The following GALNT17 variants were observed in gnomAD, a reference collection of about 807,000 sequenced individuals.
GALNT17 encodes the protein UDP-GalNAc:polypeptide N-acetylgalactosaminyltransferase-like 3.
In GALNT17, 29 loss-of-function variants were observed where a neutral mutation model predicts 63.7. The observed-to-expected ratio is 0.46, with a 90% CI of 0.34 to 0.62. The LOEUF (loss-of-function observed/expected upper bound fraction) is 0.62, where lower values mean the gene tolerates loss of function less well. Ranked by LOEUF, GALNT17 falls within the 20% of genes least tolerant of loss-of-function variation. The pLI is 0.01. For missense variants in GALNT17, 603 were observed against 799.6 expected (o/e 0.75, Z 2.97); for synonymous variants, 305 against 318.3 (o/e 0.96, Z 0.45).
chr7:71,409,519 T>G (rs909238208), intron 3 of GALNT17, among the ~76,000 whole-genome samples: 8 of 152,148 alleles, frequency 5.3e-5, no homozygotes, highest in African/African-American at 1.9e-4. Flanking sequence ...TCAGTAAGTC[T>G]CATCATCAAG....
chr7:71,258,268 A>G (rs1482843456), intron 1 of GALNT17, among the ~76,000 whole-genome samples: 1 of 152,222 alleles, frequency 6.6e-6, no homozygotes, highest in Non-Finnish European at 1.5e-5. Context: ...TGCAAATACT[A>G]GAAGATCTGA....
Position 71,540,093 on chromosome 7 carries a change from C to CT in GALNT17, c.963-31157dup, listed in dbSNP as rs71089954. Among the ~76,000 whole-genome samples, 37 of 33,548 alleles carry CT rather than the reference C, an allele frequency of 1.1e-3. 6 individuals are homozygous for CT. Among genetic ancestry groups the CT allele is most frequent in the African/African-American group, 2.6e-3 (26 of 10,036 alleles). 22.0% of individuals were successfully genotyped at this position (33,548 alleles called of 152,430 possible). A position where few individuals can be genotyped will look rare whatever the true frequency, so the allele number is the denominator to read the frequency against. ...ACAGTTGTGAGCCACTGTGCCTGGC[C>CT]TTTTTTTTTTTTTTTTTTTTTTTTT... On this transcript the variant is annotated intron_variant, in intron 5 of 10. Coordinates refer to ENST00000333538, the MANE Select transcript of GALNT17 (RefSeq NM_022479.3).
intron 6 of GALNT17, among the ~76,000 whole-genome samples, chr7:71,625,059 C>A (rs1171895487): frequency 1.3e-5 from 2 of 152,172 alleles, no homozygotes; most frequent in East Asian, 3.9e-4. Context: ...CTCTCAGGAT[C>A]CCCACAGGCC....
At chr7:71,402,050 A>G (rs1377347395) in intron 3 of GALNT17, among the ~76,000 whole-genome samples, 1 of 152,206 alleles carries the variant, frequency 6.6e-6, no homozygotes, top group Non-Finnish European at 1.5e-5. Flanking sequence ...AACTTTAGCT[A>G]TGTGGTCTTG....
chr7:71,335,222 C>G (rs1008216494), intron 1 of GALNT17, among the ~76,000 whole-genome samples: 3 of 152,140 alleles, frequency 2.0e-5, no homozygotes, highest in Admixed American at 6.5e-5. Context: ...ACTTCTGTCT[C>G]CTGGGCTCAA....
chr7:71,648,266 G>T (rs1375201448), intron 6 of GALNT17, among the ~76,000 whole-genome samples: 2 of 151,180 alleles, frequency 1.3e-5, no homozygotes, highest in Admixed American at 1.3e-4. Context: ...GCTGTCATGA[G>T]CTACTTTTTT....
intron 5 of GALNT17, among the ~76,000 whole-genome samples, chr7:71,433,529 C>T (rs1786905846): frequency 6.6e-6 from 1 of 152,204 alleles, no homozygotes; most frequent in African/African-American, 2.4e-5. Flanking sequence ...TGAATTCTTT[C>T]TCAGAAGCTG....
At chr7:71,544,488 A>G (rs1317404340) in intron 5 of GALNT17, among the ~76,000 whole-genome samples, 2 of 152,064 alleles carry the variant, frequency 1.3e-5, no homozygotes, top group East Asian at 3.9e-4. Flanking sequence ...CTGCAATAAT[A>G]GGGGTTAGTT....
At chr7:71,273,054 G>C (rs961947716) in intron 1 of GALNT17, among the ~76,000 whole-genome samples, 7 of 151,860 alleles carry the variant, frequency 4.6e-5, no homozygotes, top group African/African-American at 1.7e-4. Context: ...GTTATTAGCA[G>C]TGAAGGTTGA....
chr7:71,180,247 T>G (rs1788712405), intron 1 of GALNT17, among the ~76,000 whole-genome samples: 1 of 152,052 alleles, frequency 6.6e-6, no homozygotes, highest in Non-Finnish European at 1.5e-5. Flanking sequence ...TGCCTCAGCC[T>G]CCGTAGTAGC....
chr7:71,388,401 G>A lies in GALNT17; in HGVS notation c.589G>A (p.Glu197Lys). Residue 197 changes from glutamate (E) to lysine (K), a missense_variant and splice_region_variant, in exon 3 of 11, where the codon GAG becomes AAG. Glu to Lys is a moderately conservative substitution (Grantham distance 56). Around this residue, in one of 3 missense-constraint regions of GALNT17, gnomAD observed 336 missense variants for 507.8 expected, o/e 0.66. Transcript: ENST00000333538. Reference sequence around the variant, plus strand: ...TCTGGTGGATGACAACAGCGACGAAGGTACAGGGGTGGCTGACCTGTGCAC... The same window carrying A: ...TCTGGTGGATGACAACAGCGACGAAAGTACAGGGGTGGCTGACCTGTGCAC... ...IILVDDNSDEEELKVPLEEYV... is the reference protein window; with the variant it reads ...IILVDDNSDEKELKVPLEEYV... 1 of 1,613,698 alleles carries A rather than the reference G, an allele frequency of 6.2e-7. No homozygotes were observed. The highest frequency in any genetic ancestry group is 8.5e-7 in the Non-Finnish European group (1 of 1,179,756).
chr7:71,284,701 C>T (rs1790841476), intron 1 of GALNT17: 2 of 152,072 alleles, frequency 1.3e-5, no homozygotes, highest in African/African-American at 4.8e-5. Context: ...AGTAGCAGCG[C>T]GAGAACAGAC....
intron 1 of GALNT17, among the ~76,000 whole-genome samples, chr7:71,175,233 T>C (rs1018761713): frequency 6.6e-5 from 10 of 152,282 alleles, no homozygotes; most frequent in African/African-American, 2.4e-4. Flanking sequence ...TCACTGTCTG[T>C]CCACACTTCC....
At chr7:71,499,339 T>C (rs565081400) in intron 5 of GALNT17, among the ~76,000 whole-genome samples, 1 of 152,292 alleles carries the variant, frequency 6.6e-6, no homozygotes, top group South Asian at 2.1e-4. Context: ...GAGGATCATA[T>C]CACTTGAGGC....
At chr7:71,344,870 G>A (rs1792062794) in intron 2 of GALNT17, among the ~76,000 whole-genome samples, 2 of 152,160 alleles carry the variant, frequency 1.3e-5, no homozygotes, top group South Asian at 4.1e-4. Flanking sequence ...ATTGGAAATG[G>A]ATGAAGTGGG....
intron 1 of GALNT17, among the ~76,000 whole-genome samples, chr7:71,182,434 CT>C (rs1252582582): frequency 6.6e-6 from 1 of 152,160 alleles, no homozygotes; most frequent in African/African-American, 2.4e-5. Flanking sequence ...TCATGAGAAC[CT>C]TTTTGAATTC....
At chr7:71,608,043 A>G (rs547693946) in intron 6 of GALNT17, among the ~76,000 whole-genome samples, 1 of 152,306 alleles carries the variant, frequency 6.6e-6, no homozygotes, top group South Asian at 2.1e-4. Flanking sequence ...CAGGGATCCA[A>G]TCTGCATCCC....
chr7:71,143,873 C>T (rs1371885579), intron 1 of GALNT17, among the ~76,000 whole-genome samples: 1 of 148,992 alleles, frequency 6.7e-6, no homozygotes, highest in Admixed American at 6.6e-5. Flanking sequence ...GACCCCATCT[C>T]TATTTAAAAA....
chr7:71,617,955 G>GT (rs1181418170), intron 6 of GALNT17, among the ~76,000 whole-genome samples: 1 of 151,852 alleles, frequency 6.6e-6, no homozygotes, highest in Non-Finnish European at 1.5e-5. Flanking sequence ...CCGATAGATC[G>GT]TTTTTTTAAC....
Sources: allele counts gnomAD v4.1 joint callset (sites outside exome capture counted in the v4.1 genomes callset), GRCh38; gene constraint gnomAD v4.1.1; regional missense constraint gnomAD v4.1.1; transcripts MANE v1.5; gene names NCBI Gene and HGNC (gene_info 2026-07-23, HGNC 2026-07-21).